Variants in DPY19L1 observed in about 807,000 individuals in gnomAD.
DPY19L1 encodes the protein dpy-19 like C-mannosyltransferase 1.
In DPY19L1, 35 loss-of-function variants were observed where a neutral mutation model predicts 96.9. That is an observed-to-expected ratio of 0.36 (90% CI 0.28 to 0.48). The LOEUF (loss-of-function observed/expected upper bound fraction) is 0.48, where lower values mean the gene tolerates loss of function less well. Ranked by LOEUF, DPY19L1 falls within the 20% of genes least tolerant of loss-of-function variation. The pLI, the probability that DPY19L1 is intolerant of heterozygous loss-of-function variation, is 0.99. For missense variants in DPY19L1, 521 were observed against 777.9 expected, an observed-to-expected ratio of 0.67 and a Z score of 3.93; for synonymous variants, 205 against 252.6, an observed-to-expected ratio of 0.81 and a Z score of 1.79.
intron 21 of DPY19L1, among the ~76,000 whole-genome samples, chr7:34,933,006 A>C (rs1231783441): frequency 6.6e-6 from 1 of 152,202 alleles, no homozygotes; most frequent in Non-Finnish European, 1.5e-5. Flanking sequence ...AATTTATAAT[A>C]ATCAGTCATT....
In DPY19L1 at chr7:35,020,143, A is replaced by T. The variant is rs182158742; in HGVS notation, c.299-1547T>A. ...ACAAGACCCTGTCTCTAAAGAAAAA[A>T]AATAATAATAATCCTAACATAATAA... On this transcript the variant is annotated intron_variant, in intron 1 of 21. Coordinates refer to ENST00000638088, the MANE Select transcript of DPY19L1 (RefSeq NM_001366673.1). 1.4e-3 allele frequency among the ~76,000 whole-genome samples: 217 copies of T among 152,334 alleles called. 1 individual carries two copies. The highest frequency in any genetic ancestry group is 5.0e-3 in the African/African-American group (209 of 41,562).
chr7:34,930,145 G>A lies in DPY19L1; in HGVS notation c.*1428C>T, dbSNP rs908808675. 3 of 152,176 alleles carry A rather than the reference G, an allele frequency of 2.0e-5. No homozygotes were observed. The highest frequency in any genetic ancestry group is 7.2e-5 in the African/African-American group (3 of 41,444). The allele number at this position is 152,176 out of a possible 1,614,324, so 9.4% of individuals were successfully genotyped here. A position where few individuals can be genotyped will look rare whatever the true frequency, so the allele number is the denominator to read the frequency against. On this transcript the variant is annotated 3_prime_UTR_variant, in exon 22 of 22. Coordinates refer to ENST00000638088, the MANE Select transcript of DPY19L1 (RefSeq NM_001366673.1). ...GGTCTGAAGGACAATCCACAATGAG[G>A]TTAATCTGCCTGTGGTTAAGAAAGA...
At chr7:34,934,228 G>T (rs1219645763) in intron 21 of DPY19L1, among the ~76,000 whole-genome samples, 6 of 152,108 alleles carry the variant, frequency 3.9e-5, no homozygotes, top group Non-Finnish European at 4.4e-5. Flanking sequence ...CTCCCAAAGT[G>T]CTGGGATTAC....
At chr7:34,948,605 C>T (rs1222738436) in intron 14 of DPY19L1, among the ~76,000 whole-genome samples, 2 of 152,196 alleles carry the variant, frequency 1.3e-5, no homozygotes, top group South Asian at 2.1e-4. Context: ...TCTTTCATCA[C>T]ATAGCTTATG....
At chr7:34,936,565 T>C (rs1783872469) in intron 21 of DPY19L1, among the ~76,000 whole-genome samples, 1 of 152,348 alleles carries the variant, frequency 6.6e-6, no homozygotes, top group Admixed American at 6.5e-5. Flanking sequence ...CTATCATTCA[T>C]TTCATATAAT....
At chr7:35,005,793 A>G (rs1050968509) in intron 6 of DPY19L1, among the ~76,000 whole-genome samples, 1 of 148,760 alleles carries the variant, frequency 6.7e-6, no homozygotes, top group African/African-American at 2.5e-5. Flanking sequence ...CCTGGGCAAC[A>G]GAGTGAGATT....
upstream of DPY19L1, chr7:35,037,712 C>T: frequency 1.6e-6 from 1 of 629,818 alleles, no homozygotes; most frequent in Non-Finnish European, 2.0e-6. Context: ...CGGCCCCGCC[C>T]CCGCCGCCCC....
At chr7:35,008,195 A>G (rs1260579696) in intron 6 of DPY19L1, among the ~76,000 whole-genome samples, 1 of 152,142 alleles carries the variant, frequency 6.6e-6, no homozygotes, top group Non-Finnish European at 1.5e-5. Flanking sequence ...CTGAAGTTCT[A>G]AGCACTTAAT....
Position 34,931,400 on chromosome 7 carries a change from A to G in DPY19L1, c.*173T>C. 1 of 882,842 alleles carries G rather than the reference A, an allele frequency of 1.1e-6. No individual in the cohort carries two copies. The highest frequency in any genetic ancestry group is 1.6e-6 in the Non-Finnish European group (1 of 637,496). 54.7% of individuals were successfully genotyped at this position (882,842 alleles called of 1,614,324 possible). ...GCATTGAAATAGTAACCAATTGATA[A>G]AGGTGTAAGTCATTTTTATAATTAG... On this transcript the variant is annotated 3_prime_UTR_variant, in exon 22 of 22. Transcript: ENST00000638088.
At chr7:35,022,741 A>G (rs1283998403) in intron 1 of DPY19L1, among the ~76,000 whole-genome samples, 1 of 152,158 alleles carries the variant, frequency 6.6e-6, no homozygotes, top group Non-Finnish European at 1.5e-5. Context: ...ATCATGTCCT[A>G]ATAACCTCAA....
At chr7:35,022,255 T>A (rs2128681156) in intron 1 of DPY19L1, among the ~76,000 whole-genome samples, 1 of 152,246 alleles carries the variant, frequency 6.6e-6, no homozygotes, top group South Asian at 2.1e-4. Flanking sequence ...TTTTAAAAAA[T>A]CAGAACATAA....
intron 6 of DPY19L1, among the ~76,000 whole-genome samples, chr7:35,003,613 T>C (rs1224300352): frequency 1.3e-5 from 2 of 152,248 alleles, no homozygotes; most frequent in Non-Finnish European, 2.9e-5. Context: ...GGATATTCAG[T>C]ACCTGGCCAC....
intron 7 of DPY19L1, chr7:34,988,011 C>T (rs1251367813): frequency 6.6e-6 from 1 of 152,008 alleles, no homozygotes; most frequent in Non-Finnish European, 1.5e-5. Flanking sequence ...TTTTCAGCTA[C>T]ACCAAGTAGC....
chr7:34,994,609 TC>T (rs1444804881), intron 6 of DPY19L1, among the ~76,000 whole-genome samples: 1 of 151,818 alleles, frequency 6.6e-6, no homozygotes, highest in Non-Finnish European at 1.5e-5. Context: ...ATCGAGACCA[TC>T]CTGGCTAACA....
chr7:34,947,811 A>C, intron 14 of DPY19L1, 110 bp from the exon 15 acceptor site: 1 of 824,594 alleles, frequency 1.2e-6, no homozygotes, highest in Non-Finnish European at 1.9e-6. Flanking sequence ...ATGAACATTC[A>C]CCAATCTACT....
chr7:34,989,935 G>A lies in DPY19L1; in HGVS notation c.771C>T (p.Ser257=). 1 of 1,607,086 alleles carries A rather than the reference G, an allele frequency of 6.2e-7. No individual in the cohort carries two copies. Among genetic ancestry groups the A allele is most frequent in the South Asian group, 1.1e-5 (1 of 89,148 alleles). The change falls in exon 7 of 22, where the codon AGC becomes AGT. Residue 257 remains serine (S), a synonymous_variant. Transcript: ENST00000638088. The part of the protein sequence containing the change: ...FFIYGTYLSG[S]RLGGLVTVLC... ...ACACTGTAACCAGGCCTCCTAATCG[G>A]CTGCCACTGGAAAAGAAGAAAACAT...
At position 34,979,197 on chromosome 7, in the gene DPY19L1, G is replaced by C. The variant is rs372021576; in HGVS notation, c.823-5592C>G. Reference sequence around the variant, plus strand: ...CACCTCCATGTTTCCATCCATTGTTGCAATGACTCGAACTTGACCATTGCT... The same window carrying C: ...CACCTCCATGTTTCCATCCATTGTTCCAATGACTCGAACTTGACCATTGCT... On this transcript the variant is annotated intron_variant, in intron 7 of 21. Coordinates refer to ENST00000638088, the MANE Select transcript of DPY19L1 (RefSeq NM_001366673.1). Among the ~76,000 whole-genome samples, 13 of 151,964 alleles carry C rather than the reference G, an allele frequency of 8.6e-5. 1 individual carries two copies. Among genetic ancestry groups the C allele is most frequent in the Admixed American group, 6.6e-4 (10 of 15,258 alleles).
chr7:35,003,287 G>T (rs1371343487), intron 6 of DPY19L1, among the ~76,000 whole-genome samples: 1 of 152,130 alleles, frequency 6.6e-6, no homozygotes, highest in Non-Finnish European at 1.5e-5. Flanking sequence ...GATCCAACAG[G>T]GGAGAGCAGT....
intron 16 of DPY19L1, among the ~76,000 whole-genome samples, chr7:34,944,638 A>G (rs1184274057): frequency 1.3e-5 from 2 of 152,174 alleles, no homozygotes; most frequent in East Asian, 1.9e-4. Context: ...AATAATGTAT[A>G]CTGGACCTAT....
Sources: allele counts gnomAD v4.1 joint callset (sites outside exome capture counted in the v4.1 genomes callset), GRCh38; gene constraint gnomAD v4.1.1; transcripts MANE v1.5; gene names NCBI Gene and HGNC (gene_info 2026-07-23, HGNC 2026-07-21).